Variants in KCNH5 observed in about 807,000 individuals in gnomAD.
KCNH5 encodes potassium voltage-gated channel subfamily H member 5, also known as voltage-gated delayed rectifier potassium channel KCNH5.
A neutral mutation model predicts 96.1 loss-of-function variants in KCNH5; 46 were observed. That is an observed-to-expected ratio of 0.48 (90% CI 0.38 to 0.61). The LOEUF (loss-of-function observed/expected upper bound fraction) is 0.61. Ranked by LOEUF, KCNH5 falls within the 20% of genes least tolerant of loss-of-function variation. The pLI is 0.00. For synonymous variants in KCNH5, 439 were observed against 449.8 expected, an observed-to-expected ratio of 0.98 and a Z score of 0.30; for missense variants, 907 against 1,225.8, an observed-to-expected ratio of 0.74 and a Z score of 3.88.
At chr14:62,954,572 T>C (rs187770323) in intron 6 of KCNH5, among the ~76,000 whole-genome samples, 3 of 152,328 alleles carry the variant, frequency 2.0e-5, no homozygotes, top group Non-Finnish European at 4.4e-5. Context: ...TTTAACAGTA[T>C]AATGTAGAGA....
intron 1 of KCNH5, among the ~76,000 whole-genome samples, chr14:63,018,193 A>G (rs528813847): frequency 5.9e-5 from 9 of 151,850 alleles, no homozygotes; most frequent in Non-Finnish European, 1.2e-4. Context: ...TAGCTGAGAT[A>G]GTCATTTAAC....
At chr14:62,884,165 A>T (rs932635406) in intron 7 of KCNH5, among the ~76,000 whole-genome samples, 5 of 152,230 alleles carry the variant, frequency 3.3e-5, no homozygotes, top group African/African-American at 4.8e-5. Context: ...AAACTTGAAA[A>T]TAACTCAAAA....
chr14:62,840,557 C>CTTTTCTTTCTTTTTTTTTTTTTTT (rs1887558886), intron 8 of KCNH5, among the ~76,000 whole-genome samples: 1 of 108,736 alleles, frequency 9.2e-6, no homozygotes, highest in Non-Finnish European at 1.9e-5. Flanking sequence ...TTTCTTTTTT[C>CTTTTCTTTCTTTTTTTTTTTTTTT]TTTTTTTTCT....
intron 1 of KCNH5, among the ~76,000 whole-genome samples, chr14:63,042,773 G>A (rs182389139): frequency 9.2e-5 from 14 of 152,268 alleles, no homozygotes; most frequent in African/African-American, 2.6e-4. Flanking sequence ...CCGTGAATGT[G>A]TAGACCAATT....
chr14:63,016,496 T>C (rs1012189844), intron 2 of KCNH5, among the ~76,000 whole-genome samples: 1 of 152,090 alleles, frequency 6.6e-6, no homozygotes, highest in Non-Finnish European at 1.5e-5. Flanking sequence ...CCAGAGGTGC[T>C]GTAGATCACA....
At chr14:62,712,167 C>G (rs1460267388) in intron 10 of KCNH5, 1 of 153,782 alleles carries the variant, frequency 6.5e-6, no homozygotes, top group African/African-American at 2.4e-5. Flanking sequence ...TGGATTTGGT[C>G]AACTACTTAT....
chr14:63,031,259 C>T (rs903765871), intron 1 of KCNH5, among the ~76,000 whole-genome samples: 1 of 151,950 alleles, frequency 6.6e-6, no homozygotes, highest in Non-Finnish European at 1.5e-5. Flanking sequence ...GGAGGCACTT[C>T]CTCTTTATAG....
intron 8 of KCNH5, among the ~76,000 whole-genome samples, chr14:62,813,815 G>C (rs1886919529): frequency 6.6e-6 from 1 of 152,148 alleles, no homozygotes; most frequent in Non-Finnish European, 1.5e-5. Flanking sequence ...AGGAGCTTAA[G>C]TAGCTCTTTA....
chr14:62,890,821 C>A (rs992577816), intron 7 of KCNH5, among the ~76,000 whole-genome samples: 2 of 151,802 alleles, frequency 1.3e-5, no homozygotes, highest in Admixed American at 6.6e-5. Flanking sequence ...TAGAGAGATG[C>A]AAATCAAAAT....
chr14:62,995,585 A>G (rs1305916140), intron 4 of KCNH5, among the ~76,000 whole-genome samples: 6 of 152,150 alleles, frequency 3.9e-5, no homozygotes, highest in Non-Finnish European at 8.8e-5. Flanking sequence ...ATAGATAACT[A>G]GTGAAATTTA....
At chr14:62,853,086 G>T (rs919849653) in intron 7 of KCNH5, among the ~76,000 whole-genome samples, 1 of 152,120 alleles carries the variant, frequency 6.6e-6, no homozygotes, top group Non-Finnish European at 1.5e-5. Context: ...ATACCTAGTT[G>T]CTCAGATCAA....
intron 10 of KCNH5, among the ~76,000 whole-genome samples, chr14:62,734,463 T>C (rs1375789652): frequency 3.3e-5 from 5 of 152,138 alleles, no homozygotes; most frequent in Admixed American, 1.3e-4. Flanking sequence ...TCCATGCCTT[T>C]TGAGGTCTGC....
chr14:62,794,697 G>C (rs1251932961), intron 9 of KCNH5, among the ~76,000 whole-genome samples: 1 of 151,982 alleles, frequency 6.6e-6, no homozygotes, highest in African/African-American at 2.4e-5. Context: ...AGTTTGTTAA[G>C]GAATATTAAA....
At chr14:62,978,293 A>G (rs1255036086) in intron 6 of KCNH5, among the ~76,000 whole-genome samples, 2 of 152,250 alleles carry the variant, frequency 1.3e-5, no homozygotes, top group African/African-American at 4.8e-5. Flanking sequence ...TTCTAAAGCC[A>G]GGAGCTGGAC....
intron 9 of KCNH5, among the ~76,000 whole-genome samples, chr14:62,788,798 T>A (rs892348969): frequency 3.9e-5 from 6 of 152,110 alleles, no homozygotes; most frequent in African/African-American, 7.2e-5. Flanking sequence ...AAAATATTTT[T>A]AAATTAAGGT....
At chr14:62,939,594 C>T (rs1889749430) in intron 7 of KCNH5, among the ~76,000 whole-genome samples, 1 of 152,156 alleles carries the variant, frequency 6.6e-6, no homozygotes, top group Non-Finnish European at 1.5e-5. Context: ...ACTCGTCCTT[C>T]TAAAATACCC....
At chr14:63,002,396 A>C (rs189205994) in intron 3 of KCNH5, among the ~76,000 whole-genome samples, 32 of 152,348 alleles carry the variant, frequency 2.1e-4, no homozygotes, top group Middle Eastern at 3.4e-3. Context: ...AGATTCCATT[A>C]CAATCAAAGA....
At position 62,796,743 on chromosome 14, in the gene KCNH5, G is replaced by A. The variant is rs117689111; in HGVS notation, c.1822+5586C>T. Among the ~76,000 whole-genome samples the A allele has an allele frequency of 2.7e-4, 41 of 152,230 alleles. 2 individuals are homozygous for A. The East Asian group carries it at 6.7e-3, about 25-fold the overall frequency. On this transcript the variant is annotated intron_variant, in intron 9 of 10. Coordinates refer to ENST00000322893, the MANE Select transcript of KCNH5 (RefSeq NM_139318.5). ...CTGACGACATGTGCCCAACATGATC[G>A]GGACACAGCTTGGTTTTATACATTT...
intron 10 of KCNH5, among the ~76,000 whole-genome samples, chr14:62,761,783 G>T (rs1885756510): frequency 6.6e-6 from 1 of 152,192 alleles, no homozygotes; most frequent in Admixed American, 6.5e-5. Context: ...TAGACTAGAT[G>T]CAGCCAAGAA....
Sources: allele counts gnomAD v4.1 joint callset (sites outside exome capture counted in the v4.1 genomes callset), GRCh38; gene constraint gnomAD v4.1.1; transcripts MANE v1.5; gene names NCBI Gene and HGNC (gene_info 2026-07-23, HGNC 2026-07-21).